Variants in SIAH1 observed in about 807,000 individuals in gnomAD.
SIAH1 encodes E3 ubiquitin-protein ligase SIAH1.
SIAH1 carries 2 observed loss-of-function variants against 20.0 expected under a neutral mutation model. The observed-to-expected ratio is 0.10, with a 90% CI of 0.04 to 0.31. The LOEUF is 0.31. SIAH1 is among the 10% of genes least tolerant of loss of function. The probability of loss-of-function intolerance (pLI) is 1.00; values close to 1 mark genes in which losing one functional copy is unlikely to be tolerated. For missense variants in SIAH1, 119 were observed against 355.3 expected, an observed-to-expected ratio of 0.33 and a Z score of 5.35; for synonymous variants, 118 against 125.3, an observed-to-expected ratio of 0.94 and a Z score of 0.39.
intron 1 of SIAH1, among the ~76,000 whole-genome samples, chr16:48,371,190 A>T (rs1430069686): frequency 6.6e-6 from 1 of 151,098 alleles, no homozygotes; most frequent in Non-Finnish European, 1.5e-5. Context: ...CTGAAGAGGG[A>T]GGATCAGGTG....
intron 1 of SIAH1, among the ~76,000 whole-genome samples, chr16:48,381,088 G>T (rs1448378347): frequency 1.3e-5 from 2 of 151,906 alleles, no homozygotes; most frequent in African/African-American, 4.8e-5. Flanking sequence ...CAAAACTAAA[G>T]ATACTCTTCA....
At chr16:48,371,100 G>C (rs1318298076) in intron 1 of SIAH1, among the ~76,000 whole-genome samples, 2 of 130,938 alleles carry the variant, frequency 1.5e-5, no homozygotes, top group Non-Finnish European at 3.2e-5. Flanking sequence ...GGCAACAAGA[G>C]TGAAATTCCA....
intron 1 of SIAH1, among the ~76,000 whole-genome samples, chr16:48,384,916 G>A (rs1474632784): frequency 1.4e-5 from 2 of 143,134 alleles, no homozygotes; most frequent in South Asian, 2.1e-4. Flanking sequence ...CCCTTCCCCC[G>A]CCCTCGGCCC....
chr16:48,379,762 T>C (rs928287662), intron 1 of SIAH1, among the ~76,000 whole-genome samples: 5 of 152,210 alleles, frequency 3.3e-5, no homozygotes, highest in Admixed American at 6.5e-5. Flanking sequence ...TCCAATTCAA[T>C]GTGCAGAGTT....
intron 1 of SIAH1, among the ~76,000 whole-genome samples, chr16:48,382,098 C>T (rs1448871524): frequency 1.3e-5 from 2 of 152,112 alleles, no homozygotes; most frequent in Non-Finnish European, 2.9e-5. Context: ...GATTGGAGGC[C>T]AGGCACAGCA....
Position 48,362,629 on chromosome 16 carries a change from G to A in SIAH1, c.-2-199C>T. The A allele has an allele frequency of 3.6e-6, 2 of 556,728 alleles. No individual in the cohort carries two copies. The highest frequency in any genetic ancestry group is 6.4e-6 in the Non-Finnish European group (2 of 311,264). 34.5% of individuals were successfully genotyped at this position (556,728 alleles called of 1,614,324 possible). A position where few individuals can be genotyped will look rare whatever the true frequency, so the allele number is the denominator to read the frequency against. The stretch of plus-strand genomic sequence containing the variant: ...TGCACTTTATTAGGATCTGTACACT[G>A]GATAAGCTCTCTTTTCAAAATGTTC... On this transcript the variant is annotated intron_variant, in intron 1 of 1. Coordinates refer to ENST00000394725, the MANE Select transcript of SIAH1 (RefSeq NM_003031.4). This position sits in a 1 kb window ranked among gnomAD's most constrained non-coding sequence, Gnocchi z 4.2.
intron 1 of SIAH1, among the ~76,000 whole-genome samples, chr16:48,369,258 C>A (rs1489294941): frequency 6.6e-6 from 1 of 152,146 alleles, no homozygotes; most frequent in African/African-American, 2.4e-5. Context: ...ATTCTGAAAA[C>A]TTTGCAGCTA....
chr16:48,384,938 G>GCCGACCCCCGCCGCCACCCCGCCGGGC (rs1961406517), intron 1 of SIAH1, among the ~76,000 whole-genome samples: 2 of 144,954 alleles, frequency 1.4e-5, no homozygotes, highest in African/African-American at 4.9e-5. Flanking sequence ...GCCGCGCGGG[G>GCCGACCCCCGCCGCCACCCCGCCGGGC]CCGACCCCCG....
chr16:48,382,518 G>C (rs1961325517), intron 1 of SIAH1, among the ~76,000 whole-genome samples: 1 of 152,194 alleles, frequency 6.6e-6, no homozygotes, highest in Non-Finnish European at 1.5e-5. Flanking sequence ...TTATGCAGCA[G>C]ATATTCTAGT....
intron 1 of SIAH1, among the ~76,000 whole-genome samples, chr16:48,377,818 C>G (rs1398079849): frequency 6.6e-6 from 1 of 152,066 alleles, no homozygotes; most frequent in Non-Finnish European, 1.5e-5. Context: ...CAGCTCACAC[C>G]TGTAATCCCA....
At chr16:48,376,205 G>T (rs952380367) in intron 1 of SIAH1, among the ~76,000 whole-genome samples, 3 of 151,960 alleles carry the variant, frequency 2.0e-5, no homozygotes, top group Non-Finnish European at 4.4e-5. Context: ...GGGTGAGGAG[G>T]GATTTCGGTA....
At chr16:48,385,031 G>A (rs1961413250) in intron 1 of SIAH1, among the ~76,000 whole-genome samples, 173 bp downstream of exon 1, 1 of 148,046 alleles carries the variant, frequency 6.8e-6, no homozygotes, top group Non-Finnish European at 1.5e-5. Context: ...GGCGGGGGGC[G>A]GCGCTCGACC....
intron 1 of SIAH1, among the ~76,000 whole-genome samples, chr16:48,384,542 C>A (rs934320407): frequency 1.3e-5 from 2 of 152,194 alleles, no homozygotes; most frequent in African/African-American, 4.8e-5. Flanking sequence ...GCGCTCTCCT[C>A]TCTAACGACA....
Position 48,361,312 on chromosome 16 carries a change from T to C in SIAH1, c.*268A>G. 2.8e-6 allele frequency: 1 copy of C among 361,934 alleles called. No homozygotes were observed. The highest frequency in any genetic ancestry group is 5.1e-6 in the Non-Finnish European group (1 of 195,824). 22.4% of individuals were successfully genotyped at this position (361,934 alleles called of 1,614,324 possible). On this transcript the variant is annotated 3_prime_UTR_variant, in exon 2 of 2. Transcript: ENST00000394725. ...ACAAACACAAAACTCAGAATTATTTTACAATGCTTCCTTTCTTAATACAAA... is the reference window on the plus strand; with the variant it reads ...ACAAACACAAAACTCAGAATTATTTCACAATGCTTCCTTTCTTAATACAAA...
chr16:48,375,735 TAA>T, intron 1 of SIAH1, among the ~76,000 whole-genome samples: 1 of 152,142 alleles, frequency 6.6e-6, no homozygotes, highest in East Asian at 1.9e-4. Context: ...AAAAAATAGG[TAA>T]GTATAATAGA....
At chr16:48,382,385 AAAAAAT>A (rs1166079395) in intron 1 of SIAH1, among the ~76,000 whole-genome samples, 4 of 152,150 alleles carry the variant, frequency 2.6e-5, no homozygotes, top group African/African-American at 9.7e-5. Flanking sequence ...CTATCTCAAA[AAAAAAT>A]AAAAATAAAA....
intron 1 of SIAH1, among the ~76,000 whole-genome samples, chr16:48,371,472 T>C (rs763606726): frequency 1.3e-5 from 2 of 152,252 alleles, no homozygotes; most frequent in African/African-American, 2.4e-5. Context: ...AATTAAACCT[T>C]TACTTTCCAT....
intron 1 of SIAH1, among the ~76,000 whole-genome samples, chr16:48,384,662 A>C (rs1961393659): frequency 1.3e-5 from 2 of 148,970 alleles, no homozygotes; most frequent in South Asian, 4.3e-4. Context: ...GGTCGGGGGC[A>C]GAGAGCGGAG....
intron 1 of SIAH1, among the ~76,000 whole-genome samples, chr16:48,382,905 C>T (rs150128691): frequency 6.6e-6 from 1 of 152,320 alleles, no homozygotes; most frequent in East Asian, 1.9e-4. Flanking sequence ...AAACACCATA[C>T]TCACTGAAAA....
Sources: allele counts gnomAD v4.1 joint callset (sites outside exome capture counted in the v4.1 genomes callset), GRCh38; gene constraint gnomAD v4.1.1; non-coding constraint Gnocchi (gnomAD v3.1); transcripts MANE v1.5; gene names NCBI Gene and HGNC (gene_info 2026-07-23, HGNC 2026-07-21).